CAMK2D: variants seen among roughly 807,000 people sequenced by gnomAD.
CAMK2D encodes the protein calcium/calmodulin-dependent protein kinase type II subunit delta.
Under a neutral mutation model 84.0 loss-of-function variants are expected in CAMK2D, and 37 were observed. The ratio of observed to expected loss-of-function variants is 0.44; its 90% confidence interval spans 0.34 to 0.58. CAMK2D has a LOEUF of 0.58. Ranked by LOEUF, CAMK2D falls within the 20% of genes least tolerant of loss-of-function variation. CAMK2D has a pLI of 0.02. For synonymous variants in CAMK2D, 202 were observed against 212.5 expected (o/e 0.95, Z 0.43); for missense variants, 448 against 652.5 (o/e 0.69, Z 3.41).
intron 4 of CAMK2D, among the ~76,000 whole-genome samples, chr4:113,590,252 TATAG>T (rs1446699964): frequency 6.6e-6 from 1 of 152,162 alleles, no homozygotes; most frequent in Non-Finnish European, 1.5e-5. Flanking sequence ...AGAAAACAAA[TATAG>T]ATAGAGATCT....
intron 8 of CAMK2D, among the ~76,000 whole-genome samples, chr4:113,524,507 G>T (rs1015766486): frequency 6.6e-6 from 1 of 152,132 alleles, no homozygotes; most frequent in Non-Finnish European, 1.5e-5. Flanking sequence ...ACAATTATAC[G>T]TATAAACCAC....
chr4:113,625,087 AG>A (rs2099061953), intron 3 of CAMK2D, among the ~76,000 whole-genome samples: 1 of 152,186 alleles, frequency 6.6e-6, no homozygotes, highest in Non-Finnish European at 1.5e-5. Flanking sequence ...GAGCAGATAC[AG>A]GAGGTAGCAG....
intron 6 of CAMK2D, among the ~76,000 whole-genome samples, chr4:113,541,751 A>C (rs933277779): frequency 6.6e-6 from 1 of 152,174 alleles, no homozygotes; most frequent in Non-Finnish European, 1.5e-5. Flanking sequence ...CACTCTTTTA[A>C]CAGAAAACCA....
chr4:113,661,196 T>C (rs2154312919), intron 3 of CAMK2D, among the ~76,000 whole-genome samples: 1 of 152,302 alleles, frequency 6.6e-6, no homozygotes, highest in East Asian at 1.9e-4. Context: ...TTTGAAAAAC[T>C]ATATATATAA....
In CAMK2D at chr4:113,455,722, T is replaced by G. The variant is rs2097295794; in HGVS notation, c.*29+4A>C. ...AAAGTATCACGGAGCAGGATGTTAC[T>G]TACAAGACCCATATGTGAATGGTTT... On this transcript the variant is annotated splice_donor_region_variant and intron_variant, in intron 20 of 20. Transcript: ENST00000511664. 1.3e-6 allele frequency: 2 copies of G among 1,549,908 alleles called. No homozygotes were observed. Among genetic ancestry groups the G allele is most frequent in the African/African-American group, 2.7e-5 (2 of 73,716 alleles).
intron 2 of CAMK2D, among the ~76,000 whole-genome samples, chr4:113,740,924 T>C (rs2099591504): frequency 6.6e-6 from 1 of 152,142 alleles, no homozygotes; most frequent in South Asian, 2.1e-4. Context: ...AATTCTGAAA[T>C]AAACAATTAA....
chr4:113,509,953 G>A (rs2098188571), intron 12 of CAMK2D, among the ~76,000 whole-genome samples: 1 of 152,162 alleles, frequency 6.6e-6, no homozygotes, highest in South Asian at 2.1e-4. Flanking sequence ...TTATTTCACT[G>A]TTGGTTGTGA....
At chr4:113,572,916 AC>A (rs2098761348) in intron 4 of CAMK2D, among the ~76,000 whole-genome samples, 3 of 152,220 alleles carry the variant, frequency 2.0e-5, no homozygotes, top group Admixed American at 6.5e-5. Flanking sequence ...GCTGGAGGTT[AC>A]CATCCTTAGC....
intron 3 of CAMK2D, among the ~76,000 whole-genome samples, chr4:113,625,092 G>A (rs1367622442): frequency 1.3e-5 from 2 of 152,182 alleles, no homozygotes; most frequent in Non-Finnish European, 2.9e-5. Flanking sequence ...GATACAGGAG[G>A]TAGCAGCAGG....
chr4:113,473,890 T>A (rs1028432167), intron 16 of CAMK2D, among the ~76,000 whole-genome samples: 4 of 152,190 alleles, frequency 2.6e-5, no homozygotes, highest in African/African-American at 9.6e-5. Context: ...CAGTAAAATA[T>A]GGTCATGTTA....
At chr4:113,498,944 T>G (rs1443007325) in intron 16 of CAMK2D, among the ~76,000 whole-genome samples, 1 of 152,168 alleles carries the variant, frequency 6.6e-6, no homozygotes, top group Non-Finnish European at 1.5e-5. Flanking sequence ...CTGCATATAG[T>G]AAGGTGCTGG....
chr4:113,636,226 C>G (rs994777782), intron 3 of CAMK2D, among the ~76,000 whole-genome samples: 13 of 152,182 alleles, frequency 8.5e-5, no homozygotes, highest in African/African-American at 2.2e-4. Flanking sequence ...TTATCCTTGA[C>G]CTCTCTCTGT....
At chr4:113,576,170 G>A (rs2098781009) in intron 4 of CAMK2D, among the ~76,000 whole-genome samples, 1 of 151,990 alleles carries the variant, frequency 6.6e-6, no homozygotes, top group Non-Finnish European at 1.5e-5. Flanking sequence ...TGAATAGATG[G>A]GACTACAGAA....
intron 2 of CAMK2D, among the ~76,000 whole-genome samples, chr4:113,712,507 T>C (rs7662404): frequency 2.0e-5 from 3 of 151,874 alleles, no homozygotes; most frequent in Admixed American, 6.6e-5. Context: ...AAAAGCTATA[T>C]ACCATTACTT....
intron 19 of CAMK2D, among the ~76,000 whole-genome samples, chr4:113,456,223 T>A (rs1484261132): frequency 6.6e-6 from 1 of 152,182 alleles, no homozygotes; most frequent in Non-Finnish European, 1.5e-5. Context: ...GAAATCATGA[T>A]GGATTCTCTG....
Position 113,515,104 on chromosome 4 carries a change from T to C in CAMK2D, c.784A>G (p.Thr262Ala), listed in dbSNP as rs2098267737. ...GGGTGCTTCAGTGCCTCTGAGGCTG[T>C]GATGCGTTTGGCAGGGTTGATAGTA... ...MLTINPAKRITASEALKHPWI... is the reference protein window; with the variant it reads ...MLTINPAKRIAASEALKHPWI... Residue 262 changes from threonine to alanine, a missense_variant, in exon 10 of 21, where the codon ACA becomes GCA. Physicochemically the swap from Thr to Ala is moderately conservative, Grantham distance 58 (BLOSUM62 0). This residue lies in a region of CAMK2D where 69 missense variants were observed against 175.6 expected (regional missense o/e 0.39). Coordinates refer to ENST00000511664, the MANE Select transcript of CAMK2D (RefSeq NM_001321571.2). 1 of 1,613,524 alleles carries C rather than the reference T, an allele frequency of 6.2e-7. No individual in the cohort carries two copies. Among genetic ancestry groups the C allele is most frequent in the Non-Finnish European group, 8.5e-7 (1 of 1,179,528 alleles).
At chr4:113,670,533 T>C (rs1223954089) in intron 2 of CAMK2D, among the ~76,000 whole-genome samples, 1 of 152,046 alleles carries the variant, frequency 6.6e-6, no homozygotes, top group South Asian at 2.1e-4. Context: ...AAATTTTGTA[T>C]AATATATTAA....
intron 2 of CAMK2D, among the ~76,000 whole-genome samples, chr4:113,714,417 C>T (rs1366264866): frequency 2.6e-5 from 4 of 151,974 alleles, no homozygotes; most frequent in Non-Finnish European, 5.9e-5. Context: ...CTTATTATTC[C>T]ACATAAATCA....
At chr4:113,482,149 TCTGTTGAGAATAGA>T (rs2097708145) in intron 16 of CAMK2D, among the ~76,000 whole-genome samples, 2 of 152,312 alleles carry the variant, frequency 1.3e-5, no homozygotes, top group South Asian at 4.1e-4. Context: ...AACTCTATTC[TCTGTTGAGAATAGA>T]CTGTAAGCAG....
Sources: allele counts gnomAD v4.1 joint callset (sites outside exome capture counted in the v4.1 genomes callset), GRCh38; gene constraint gnomAD v4.1.1; regional missense constraint gnomAD v4.1.1; transcripts MANE v1.5; gene names NCBI Gene and HGNC (gene_info 2026-07-23, HGNC 2026-07-21).